Variants in CBL observed in about 807,000 individuals in gnomAD.
The protein encoded by CBL is Cbl proto-oncogene.
A neutral mutation model predicts 96.9 loss-of-function variants in CBL; 45 were observed. The ratio of observed to expected loss-of-function variants is 0.46; its 90% CI spans 0.37 to 0.60. The LOEUF (loss-of-function observed/expected upper bound fraction) is 0.60, where lower values mean the gene tolerates loss of function less well. Among genes scored for constraint, CBL ranks in the 20% least tolerant of loss-of-function variants. The probability of loss-of-function intolerance (pLI) is 0.00; values close to 1 mark genes in which losing one functional copy is unlikely to be tolerated. For missense variants in CBL, 1,024 were observed against 1,143.5 expected (o/e 0.90, Z 1.51); for synonymous variants, 420 against 426.8 (o/e 0.98, Z 0.20).
chr11:119,236,278 A>G (rs1384204786), intron 2 of CBL, among the ~76,000 whole-genome samples: 5 of 151,708 alleles, frequency 3.3e-5, no homozygotes, highest in Non-Finnish European at 7.4e-5. Flanking sequence ...CTTTCTGTCT[A>G]TGTGGATTTG....
At chr11:119,232,257 C>G (rs1234500660) in intron 1 of CBL, among the ~76,000 whole-genome samples, 191 bp from the exon 2 acceptor site, 1 of 152,132 alleles carries the variant, frequency 6.6e-6, no homozygotes, top group Non-Finnish European at 1.5e-5. Context: ...AAAACACATT[C>G]TTCTGGGGGA....
rs1470726861 is a variant in CBL, at chr11:119,299,512, C to G, written c.2452C>G (p.Gln818Glu). Residue 818 changes from glutamine (Q) to glutamate (E), a missense_variant, in exon 16 of 16, where the codon CAA (glutamine) becomes GAA (glutamate). By Grantham distance (29) the Gln-to-Glu change is conservative. This residue lies in a region of CBL where 695 missense variants were observed against 661.6 expected (regional missense o/e 1.05). Coordinates refer to ENST00000264033, the MANE Select transcript of CBL (RefSeq NM_005188.4). ...TCTTCTAGATGTCACTGAAGGTTCCCAAGTTCCCGAGAGGCCTCCAAAACC... is the reference window on the plus strand; with the variant it reads ...TCTTCTAGATGTCACTGAAGGTTCCGAAGTTCCCGAGAGGCCTCCAAAACC... ...DPTTNVTEGS[Q>E]VPERPPKPFP... 1 of 1,614,014 alleles carries G rather than the reference C, an allele frequency of 6.2e-7. No homozygotes were observed. Among genetic ancestry groups the G allele is most frequent in the African/African-American group, 1.3e-5 (1 of 74,900 alleles).
Position 119,206,588 on chromosome 11 carries a change from G to C in CBL, c.171G>C (p.Glu57Asp). The C allele has an allele frequency of 1.3e-6, 2 of 1,548,618 alleles. No individual in the cohort carries two copies. The highest frequency in any genetic ancestry group is 1.7e-6 in the Non-Finnish European group (2 of 1,146,262). The change falls in exon 1 of 16, where the codon GAG (glutamate) becomes GAC (aspartate). Residue 57 changes from glutamate to aspartate, a missense_variant. This residue lies in a region of CBL where 114 missense variants were observed against 117.4 expected (regional missense o/e 0.97). Coordinates refer to ENST00000264033, the MANE Select transcript of CBL (RefSeq NM_005188.4). Reference protein sequence around the residue: ...PPGTVDKKMVEKCWKLMDKVV... With the variant: ...PPGTVDKKMVDKCWKLMDKVV... The stretch of plus-strand genomic sequence containing the variant: ...GGACGGTGGACAAGAAGATGGTGGA[G>C]AAGTGCTGGAAGCTCATGGACAAGG...
rs1055001507 is a variant in CBL at position 119,304,508 on chromosome 11, C to T, written c.*4727C>T. On this transcript the variant is annotated 3_prime_UTR_variant, in exon 16 of 16. Transcript: ENST00000264033. ...TGCAGAGCTTTGCACCTAGTCCTTT[C>T]TCCCGCTTCACAGTCTGCTTATGGT... The T allele has an allele frequency of 8.6e-6, 2 of 233,086 alleles. No individual in the cohort carries two copies. Among genetic ancestry groups the T allele is most frequent in the Non-Finnish European group, 1.7e-5 (2 of 118,032 alleles). 14.4% of individuals were successfully genotyped at this position (233,086 alleles called of 1,614,324 possible). A position where few individuals can be genotyped will look rare whatever the true frequency, so the allele number is the denominator to read the frequency against.
intron 2 of CBL, among the ~76,000 whole-genome samples, chr11:119,261,988 AAAG>A (rs1316221360): frequency 5.3e-5 from 8 of 152,196 alleles, no homozygotes; most frequent in Non-Finnish European, 2.9e-5. Context: ...AAGATATAAG[AAAG>A]AAGGTGTGGA....
intron 2 of CBL, among the ~76,000 whole-genome samples, chr11:119,239,697 T>C (rs1045836522): frequency 2.6e-5 from 4 of 152,136 alleles, no homozygotes; most frequent in Non-Finnish European, 5.9e-5. Flanking sequence ...CACCATTGAG[T>C]ATATTAGCTG....
chr11:119,301,546 T>C lies in CBL; in HGVS notation c.*1765T>C, dbSNP rs1244922975. On this transcript the variant is annotated 3_prime_UTR_variant, in exon 16 of 16. Transcript: ENST00000264033. Reference sequence around the variant, plus strand: ...ATCAGTTTTCTTTCCAGTCTAATCATCTTTGGAACTAAAACTTGTTCTAAC... The same window carrying C: ...ATCAGTTTTCTTTCCAGTCTAATCACCTTTGGAACTAAAACTTGTTCTAAC... 1 of 233,192 alleles carries C rather than the reference T, an allele frequency of 4.3e-6. No individual in the cohort carries two copies. Among genetic ancestry groups the C allele is most frequent in the African/African-American group, 2.2e-5 (1 of 45,358 alleles). The allele number at this position is 233,192 out of a possible 1,614,324, so 14.4% of individuals were successfully genotyped here. A position where few individuals can be genotyped will look rare whatever the true frequency, so the allele number is the denominator to read the frequency against.
At chr11:119,228,521 A>C (rs943363105) in intron 1 of CBL, among the ~76,000 whole-genome samples, 1 of 151,290 alleles carries the variant, frequency 6.6e-6, no homozygotes, top group East Asian at 2.0e-4. Flanking sequence ...CAGAAGAATC[A>C]CTTGAACCTG....
chr11:119,275,079 C>A lies in CBL; in HGVS notation c.869+126C>A, dbSNP rs907748510. On this transcript the variant is annotated intron_variant, in intron 5 of 15. Coordinates refer to ENST00000264033, the MANE Select transcript of CBL (RefSeq NM_005188.4). ...CCAAGGTTCTGCAATAGGATTGATACCTGTTTATCAGACGTATTGACTTAA... is the reference window on the plus strand; with the variant it reads ...CCAAGGTTCTGCAATAGGATTGATAACTGTTTATCAGACGTATTGACTTAA... The A allele has an allele frequency of 3.2e-6, 3 of 936,670 alleles. No individual in the cohort carries two copies. The East Asian group carries it at 7.5e-5, about 23-fold the overall frequency. 58.0% of individuals were successfully genotyped at this position (936,670 alleles called of 1,614,324 possible).
chr11:119,234,672 C>T (rs1203354404), intron 2 of CBL, among the ~76,000 whole-genome samples: 1 of 152,076 alleles, frequency 6.6e-6, no homozygotes, highest in African/African-American at 2.4e-5. Flanking sequence ...GTGACATGCA[C>T]CTGTAATTCT....
At chr11:119,265,005 T>A (rs1411803235) in intron 2 of CBL, among the ~76,000 whole-genome samples, 1 of 152,146 alleles carries the variant, frequency 6.6e-6, no homozygotes, top group Non-Finnish European at 1.5e-5. Context: ...GCAACCCTAG[T>A]AGCTGGGACT....
intron 2 of CBL, among the ~76,000 whole-genome samples, chr11:119,250,779 C>T (rs539985341): frequency 3.9e-5 from 6 of 152,024 alleles, no homozygotes; most frequent in Admixed American, 1.3e-4. Flanking sequence ...GGTAAAACCC[C>T]GTCTCTACTA....
chr11:119,256,686 GTTT>G (rs56753854), intron 2 of CBL, among the ~76,000 whole-genome samples: 3 of 134,812 alleles, frequency 2.2e-5, no homozygotes, highest in East Asian at 2.1e-4. Flanking sequence ...TATGTAGTTT[GTTT>G]TTTTTTTTTT....
intron 2 of CBL, among the ~76,000 whole-genome samples, chr11:119,268,311 A>G (rs140522051): frequency 1.1e-3 from 171 of 152,284 alleles, no homozygotes; most frequent in African/African-American, 3.7e-3. Context: ...CATTAGGCCA[A>G]TACCACATAA....
chr11:119,276,696 C>G (rs1949891994), intron 6 of CBL, among the ~76,000 whole-genome samples: 1 of 152,178 alleles, frequency 6.6e-6, no homozygotes, highest in East Asian at 1.9e-4. Flanking sequence ...GACCAGATGG[C>G]AGAAAACTAG....
Position 119,299,580 on chromosome 11 carries a change from T to G in CBL, c.2520T>G (p.Cys840Trp), listed in dbSNP as rs112330156. ...RINSERKAGS[C>W]QQGSGPAASA... ...ACTCTGAACGGAAAGCTGGCAGCTG[T>G]CAGCAAGGTAGTGGTCCTGCCGCCT... The change falls in exon 16 of 16, where the codon TGT (cysteine) becomes TGG (tryptophan). Residue 840 changes from cysteine (C) to tryptophan (W), a missense_variant. Cys to Trp is a radical substitution (Grantham distance 215). Around this residue, in one of 4 missense-constraint regions of CBL, gnomAD observed 695 missense variants for 661.6 expected, o/e 1.05. Transcript: ENST00000264033. 4.0e-5 allele frequency: 65 copies of G among 1,614,198 alleles called. No individual in the cohort carries two copies. Among genetic ancestry groups the G allele is most frequent in the African/African-American group, 2.5e-4 (19 of 75,038 alleles).
At chr11:119,294,701 G>A (rs967210409) in intron 12 of CBL, among the ~76,000 whole-genome samples, 2 of 151,484 alleles carry the variant, frequency 1.3e-5, no homozygotes, top group Middle Eastern at 3.4e-3. Flanking sequence ...TGAGGCAGGA[G>A]AATCGCTTGA....
intron 2 of CBL, among the ~76,000 whole-genome samples, chr11:119,239,777 G>A (rs913456532): frequency 6.6e-6 from 1 of 150,894 alleles, no homozygotes; most frequent in Admixed American, 6.6e-5. Context: ...TCAGTTTTTG[G>A]TTGTTGTTTT....
chr11:119,296,052 T>C (rs1321677893), intron 12 of CBL, among the ~76,000 whole-genome samples: 1 of 152,190 alleles, frequency 6.6e-6, no homozygotes, highest in African/African-American at 2.4e-5. Context: ...CAAGTGAGAT[T>C]AAAGGGGACT....
Sources: gnomAD v4.1 joint callset for allele counts (sites outside exome capture counted in the v4.1 genomes callset) on GRCh38, gnomAD v4.1.1 for gene constraint, gnomAD v4.1.1 regional missense constraint, MANE v1.5 for transcripts, NCBI Gene and HGNC (gene_info 2026-07-23, HGNC 2026-07-21) for gene names.